Variants in PITRM1 observed in about 807,000 individuals in gnomAD.
PITRM1 encodes pitrilysin metallopeptidase 1, also known as presequence protease, mitochondrial.
A neutral mutation model predicts 129.9 loss-of-function variants in PITRM1; 100 were observed. That is an observed-to-expected ratio of 0.77 (90% confidence interval 0.65 to 0.91). PITRM1 has a LOEUF of 0.91. Among genes scored for constraint, PITRM1 ranks in the 40% least tolerant of loss-of-function variants. The pLI is 0.00. For missense variants in PITRM1, 1,471 were observed against 1,318.3 expected (o/e 1.12, Z -1.79); for synonymous variants, 591 against 508.8 (o/e 1.16, Z -2.17).
intron 15 of PITRM1, among the ~76,000 whole-genome samples, chr10:3,150,292 A>C (rs963030384): frequency 6.6e-6 from 1 of 152,204 alleles, no homozygotes; most frequent in East Asian, 1.9e-4. Flanking sequence ...GTGCGGAAGG[A>C]TGACTGATTT....
intron 14 of PITRM1, among the ~76,000 whole-genome samples, chr10:3,151,973 T>C (rs1388508323): frequency 6.6e-6 from 1 of 152,102 alleles, no homozygotes; most frequent in African/African-American, 2.4e-5. Context: ...TCTCAAACTC[T>C]TGACCTCAAG....
chr10:3,141,339 C>G (rs1386480684), intron 23 of PITRM1, among the ~76,000 whole-genome samples: 1 of 152,186 alleles, frequency 6.6e-6, no homozygotes, highest in African/African-American at 2.4e-5. Context: ...CTTCCAGCAC[C>G]ACACTGCTTA....
At position 3,137,899 on chromosome 10, in the gene PITRM1, TCGCCA is replaced by T; in HGVS notation, c.*127_*131del. ...CTTAAGATAGATCTGAGTTTTTGAC[TCGCCA>T]GTCAAGGGCTTTGGCGACACTCAAT... On this transcript the variant is annotated 3_prime_UTR_variant, in exon 27 of 27. Coordinates refer to ENST00000224949, the MANE Select transcript of PITRM1 (RefSeq NM_014889.4). The T allele has an allele frequency of 6.4e-6, 4 of 623,400 alleles. No individual in the cohort carries two copies. The highest frequency in any genetic ancestry group is 1.1e-5 in the Non-Finnish European group (4 of 352,284). 38.6% of individuals were successfully genotyped at this position (623,400 alleles called of 1,614,324 possible). A position where few individuals can be genotyped will look rare whatever the true frequency, so the allele number is the denominator to read the frequency against.
intron 2 of PITRM1, among the ~76,000 whole-genome samples, chr10:3,167,277 G>T (rs1230056074): frequency 8.0e-5 from 6 of 75,464 alleles, no homozygotes; most frequent in African/African-American, 3.2e-4. Context: ...TGTATAGAAA[G>T]AGAGAGAGAG....
chr10:3,141,820 AAG>A, intron 23 of PITRM1: 1 of 288,908 alleles, frequency 3.5e-6, no homozygotes, highest in Non-Finnish European at 7.4e-6. Context: ...GTGGTGGGAG[AAG>A]TCACGACCAT....
rs1399367136 is a variant in PITRM1 at position 3,166,260 on chromosome 10, C to A, written c.387G>T (p.Arg129=). Residue 129 remains arginine (R), a synonymous_variant, in exon 4 of 27, where the codon CGG becomes CGT. Transcript: ENST00000224949. ...CRDPFFKMLN[R]SLSTFMNAFT... ...AGGCGTTCATGAACGTGGAGAGGGA[C>A]CGGTTCAACATTTTGAAGAAAGGGT... 1 of 1,610,214 alleles carries A rather than the reference C, an allele frequency of 6.2e-7. No homozygotes were observed. Among genetic ancestry groups the A allele is most frequent in the East Asian group, 2.2e-5 (1 of 44,676 alleles).
chr10:3,162,982 G>C (rs2132486355), intron 7 of PITRM1: 1 of 152,316 alleles, frequency 6.6e-6, no homozygotes, highest in Admixed American at 6.5e-5. Flanking sequence ...GCTCATGTAA[G>C]AAAAAATCCT....
rs3814596 is a variant in PITRM1, at chr10:3,165,440, A to T, written c.506T>A (p.Phe169Tyr). The T allele has an allele frequency of 1.2e-6, 2 of 1,610,978 alleles. No homozygotes were observed. Among genetic ancestry groups the T allele is most frequent in the Non-Finnish European group, 1.7e-6 (2 of 1,177,698 alleles). ...GAAATCCAGCTCGCGTAAACATGGG[A>T]AAAAGGTGGCATCCAAATACACCGA... ...LLSVYLDATFFPCLRELDFWQ... is the reference protein window; with the variant it reads ...LLSVYLDATFYPCLRELDFWQ... The change falls in exon 5 of 27, where the codon TTC becomes TAC. Residue 169 changes from phenylalanine to tyrosine, a missense_variant. Transcript: ENST00000224949.
chr10:3,172,749 C>A lies in PITRM1; in HGVS notation c.24G>T (p.Gln8His), dbSNP rs1311428601. 8 of 1,546,134 alleles carry A rather than the reference C, an allele frequency of 5.2e-6. No individual in the cohort carries two copies. Among genetic ancestry groups the A allele is most frequent in the Middle Eastern group, 1.7e-4 (1 of 5,982 alleles). Residue 8 changes from glutamine to histidine, a missense_variant, in exon 1 of 27, where the codon CAG becomes CAT. Transcript: ENST00000224949. MWRCGGR[Q>H]GLCVLRRLSG... ...TCAGCCGCCTCAGCACACACAGGCC[C>A]TGCCGCCCGCCGCAGCGCCACATTG... is the stretch of plus-strand genomic sequence containing the variant.
rs556838663 is a variant in PITRM1 at position 3,144,096 on chromosome 10, A to C, written c.2532+196T>G. 74 of 597,166 alleles carry C rather than the reference A, an allele frequency of 1.2e-4. No homozygotes were observed. The South Asian group carries it at 1.5e-3, about 12-fold the overall frequency. 37.0% of individuals were successfully genotyped at this position (597,166 alleles called of 1,614,324 possible). A position where few individuals can be genotyped will look rare whatever the true frequency, so the allele number is the denominator to read the frequency against. On this transcript the variant is annotated intron_variant, in intron 22 of 26. Coordinates refer to ENST00000224949, the MANE Select transcript of PITRM1 (RefSeq NM_014889.4). ...CGGCACAGGAGGACACACCCCCACC[A>C]GGGCCTTCACTCAGTACTGTCTGAG...
intron 6 of PITRM1, 169 bp from the exon 7 acceptor site, chr10:3,164,054 T>A (rs534829424): frequency 8.3e-5 from 33 of 396,518 alleles, no homozygotes; most frequent in African/African-American, 6.6e-4. Flanking sequence ...CACGCAGGCA[T>A]TGTTTAACAC....
intron 13 of PITRM1, among the ~76,000 whole-genome samples, chr10:3,156,324 A>G (rs916806736): frequency 6.6e-6 from 1 of 152,250 alleles, no homozygotes; most frequent in Non-Finnish European, 1.5e-5. Flanking sequence ...AACAGGTGAG[A>G]TAACTAGAAG....
chr10:3,148,749 T>C (rs1232836508), intron 16 of PITRM1: 1 of 156,634 alleles, frequency 6.4e-6, no homozygotes, highest in Non-Finnish European at 1.4e-5. Context: ...AAAAGCAGTT[T>C]CCTCTCAGCA....
At chr10:3,168,166 C>T (rs1176099211) in intron 2 of PITRM1, among the ~76,000 whole-genome samples, 1 of 152,076 alleles carries the variant, frequency 6.6e-6, no homozygotes, top group Non-Finnish European at 1.5e-5. Flanking sequence ...CAAGGTCAGA[C>T]CTCGGGTCTC....
chr10:3,172,695 G>C, intron 1 of PITRM1, 22 bp downstream of exon 1: 1 of 1,531,338 alleles, frequency 6.5e-7, no homozygotes, highest in South Asian at 1.2e-5. Flanking sequence ...CGCGCCGAGC[G>C]CCTCCCGTCG....
intron 16 of PITRM1, chr10:3,149,311 A>C: frequency 4.4e-6 from 1 of 224,992 alleles, no homozygotes; most frequent in Non-Finnish European, 8.7e-6. Context: ...GCCCCAGGCC[A>C]CACTGCACAT....
At position 3,139,043 on chromosome 10, in the gene PITRM1, T is replaced by G. The variant is rs1839915543; in HGVS notation, c.2778A>C (p.Pro926=). The G allele has an allele frequency of 6.2e-7, 1 of 1,613,556 alleles. No individual in the cohort carries two copies. Residue 926 remains proline, a synonymous_variant, in exon 25 of 27, where the codon CCA becomes CCC. Transcript: ENST00000224949. ...AAGACTGGAGCGTCTCTATTGTATTTGGGTCCCTAGGAAACCCAGAGAAAT... is the reference window on the plus strand; with the variant it reads ...AAGACTGGAGCGTCTCTATTGTATTGGGGTCCCTAGGAAACCCAGAGAAAT... ...GIFTLYSYRD[P]NTIETLQSFG... is the part of the protein sequence containing the mutation.
chr10:3,165,101 G>T, intron 6 of PITRM1, 137 bp downstream of exon 6: 1 of 720,376 alleles, frequency 1.4e-6, no homozygotes, highest in Non-Finnish European at 2.3e-6. Flanking sequence ...TCTGCTCACA[G>T]CACTGACCCC....
chr10:3,138,153 G>T, intron 26 of PITRM1, 29 bp from the exon 27 acceptor site: 1 of 1,575,530 alleles, frequency 6.3e-7, no homozygotes, highest in Non-Finnish European at 8.7e-7. Flanking sequence ...TGGTCAGCAA[G>T]GACTGGCTTC....
Sources: gnomAD v4.1 joint callset for allele counts (sites outside exome capture counted in the v4.1 genomes callset) on GRCh38, gnomAD v4.1.1 for gene constraint, MANE v1.5 for transcripts, NCBI Gene and HGNC (gene_info 2026-07-23, HGNC 2026-07-21) for gene names.